NUBPL: variants seen among roughly 807,000 people sequenced by gnomAD.
NUBPL encodes the protein NUBP iron-sulfur cluster assembly factor, mitochondrial, also known as iron-sulfur cluster transfer protein NUBPL.
NUBPL carries 31 observed loss-of-function variants against 45.7 expected under a neutral mutation model. The ratio of observed to expected loss-of-function variants is 0.68; its 90% confidence interval spans 0.51 to 0.92. The LOEUF is 0.92. NUBPL is among the 40% of genes least tolerant of loss of function. The pLI, the probability that NUBPL is intolerant of heterozygous loss-of-function variation, is 0.00. For synonymous variants in NUBPL, 144 were observed against 140.9 expected (o/e 1.02, Z -0.15); for missense variants, 401 against 398.7 (o/e 1.01, Z -0.05).
chr14:31,599,351 T>C lies in NUBPL; in HGVS notation c.354T>C (p.Asn118=). 2 of 1,612,580 alleles carry C rather than the reference T, an allele frequency of 1.2e-6. No homozygotes were observed. Among genetic ancestry groups the C allele is most frequent in the Non-Finnish European group, 1.7e-6 (2 of 1,178,978 alleles). The change falls in exon 4 of 11, where the codon AAT becomes AAC. Residue 118 remains asparagine (N), a synonymous_variant. Coordinates refer to ENST00000281081, the MANE Select transcript of NUBPL (RefSeq NM_025152.3). ...VYGPSVPKMM[N]LKGNPELSQS... The stretch of plus-strand genomic sequence containing the variant: ...GACCTTCAGTTCCAAAGATGATGAA[T>C]CTGAAAGGAAATCCGGAATTATCAC...
chr14:31,582,698 C>G (rs2033896169), intron 3 of NUBPL, among the ~76,000 whole-genome samples: 1 of 151,996 alleles, frequency 6.6e-6, no homozygotes, highest in African/African-American at 2.4e-5. Context: ...ATGGTCATAC[C>G]ACAGAGCTTG....
chr14:31,728,499 A>G (rs531098555), intron 6 of NUBPL, among the ~76,000 whole-genome samples: 8 of 152,292 alleles, frequency 5.3e-5, no homozygotes, highest in African/African-American at 1.9e-4. Flanking sequence ...GTATTTTGTT[A>G]GAACCACCTT....
At chr14:31,702,945 A>C (rs2037370678) in intron 6 of NUBPL, among the ~76,000 whole-genome samples, 1 of 152,180 alleles carries the variant, frequency 6.6e-6, no homozygotes, top group Non-Finnish European at 1.5e-5. Context: ...TCTCTTTAAT[A>C]TCTTTAACTA....
In NUBPL at chr14:31,596,148, C is replaced by T. The variant is rs149609985; in HGVS notation, c.292-3141C>T. Among the ~76,000 whole-genome samples, 1,062 of 152,104 alleles carry T rather than the reference C, an allele frequency of 7.0e-3. 7 individuals carry two copies. The highest frequency in any genetic ancestry group is 0.011 in the Non-Finnish European group (762 of 67,994). Reference sequence around the variant, plus strand: ...ATTTTGATCTCCTGACCTTGTGATCCGCCCACTTTGGCCCAAAGTGCTGGG... The same window carrying T: ...ATTTTGATCTCCTGACCTTGTGATCTGCCCACTTTGGCCCAAAGTGCTGGG... On this transcript the variant is annotated intron_variant, in intron 3 of 10. Coordinates refer to ENST00000281081, the MANE Select transcript of NUBPL (RefSeq NM_025152.3).
intron 7 of NUBPL, among the ~76,000 whole-genome samples, chr14:31,801,774 A>T (rs2039594791): frequency 6.6e-6 from 1 of 152,188 alleles, no homozygotes; most frequent in African/African-American, 2.4e-5. Context: ...ACTGAGAGGG[A>T]AGCTATCATG....
At chr14:31,591,375 T>C (rs2081396629) in intron 3 of NUBPL, among the ~76,000 whole-genome samples, 1 of 152,154 alleles carries the variant, frequency 6.6e-6, no homozygotes. Flanking sequence ...TTGGCCAGGC[T>C]GCTCTTGAAC....
chr14:31,606,629 C>T (rs2034608095), intron 4 of NUBPL, among the ~76,000 whole-genome samples: 1 of 152,150 alleles, frequency 6.6e-6, no homozygotes, highest in Admixed American at 6.5e-5. Context: ...TCTGGGGATA[C>T]TCACCAGATA....
intron 4 of NUBPL, among the ~76,000 whole-genome samples, chr14:31,654,644 C>G (rs1229258310): frequency 1.3e-5 from 2 of 152,082 alleles, no homozygotes; most frequent in Non-Finnish European, 2.9e-5. Context: ...CTCCTGACCT[C>G]ATGATCTACC....
chr14:31,577,571 G>A (rs1174918347), intron 3 of NUBPL, among the ~76,000 whole-genome samples: 4 of 152,104 alleles, frequency 2.6e-5, no homozygotes, highest in African/African-American at 9.7e-5. Flanking sequence ...CAGCCACCAC[G>A]CCCAGCTAAT....
intron 4 of NUBPL, among the ~76,000 whole-genome samples, chr14:31,671,255 A>G (rs1225710399): frequency 2.0e-5 from 3 of 152,050 alleles, no homozygotes; most frequent in African/African-American, 7.2e-5. Context: ...TATATACCAA[A>G]TTTTCTTTAT....
intron 7 of NUBPL, among the ~76,000 whole-genome samples, chr14:31,811,640 T>C (rs540626827): frequency 5.9e-5 from 9 of 152,312 alleles, no homozygotes; most frequent in African/African-American, 1.7e-4. Context: ...AAGTCATTCT[T>C]TGTCCTGCTT....
chr14:31,641,004 T>A (rs1230314622), intron 4 of NUBPL, among the ~76,000 whole-genome samples: 1 of 152,124 alleles, frequency 6.6e-6, no homozygotes, highest in Non-Finnish European at 1.5e-5. Context: ...CAGGCTGGAG[T>A]GCAGTGACAC....
intron 6 of NUBPL, among the ~76,000 whole-genome samples, chr14:31,688,156 G>T (rs192912196): frequency 6.6e-6 from 1 of 152,272 alleles, no homozygotes; most frequent in East Asian, 1.9e-4. Context: ...TAAAGGTGGA[G>T]AATTTAATGC....
chr14:31,771,873 G>C, intron 6 of NUBPL: 2 of 985,332 alleles, frequency 2.0e-6, no homozygotes, highest in Non-Finnish European at 2.4e-6. Context: ...ACAGATGGCA[G>C]GTAGGTGGAA....
chr14:31,707,886 G>T (rs2037489478), intron 6 of NUBPL, among the ~76,000 whole-genome samples: 1 of 152,146 alleles, frequency 6.6e-6, no homozygotes, highest in Non-Finnish European at 1.5e-5. Context: ...TAGATCTTGG[G>T]CCAGTGCCTG....
intron 4 of NUBPL, among the ~76,000 whole-genome samples, chr14:31,671,036 G>A (rs975032404): frequency 7.2e-5 from 11 of 152,176 alleles, no homozygotes; most frequent in African/African-American, 2.2e-4. Flanking sequence ...GATAGGAATA[G>A]CATTGAATCT....
At chr14:31,782,779 C>T (rs965615298) in intron 6 of NUBPL, among the ~76,000 whole-genome samples, 4 of 146,214 alleles carry the variant, frequency 2.7e-5, no homozygotes, top group Admixed American at 7.0e-5. Flanking sequence ...GAGTGAGACT[C>T]CGTCTAAAAA....
At chr14:31,727,429 G>A (rs920708834) in intron 6 of NUBPL, among the ~76,000 whole-genome samples, 1 of 152,162 alleles carries the variant, frequency 6.6e-6, no homozygotes, top group Non-Finnish European at 1.5e-5. Flanking sequence ...TGGAATTAGT[G>A]GTTTGTAACT....
chr14:31,758,530 G>A (rs1014262486), intron 6 of NUBPL, among the ~76,000 whole-genome samples: 7 of 152,028 alleles, frequency 4.6e-5, no homozygotes, highest in African/African-American at 1.2e-4. Context: ...TCTTGTTTAA[G>A]GCTGTTTTTT....
Sources: gnomAD v4.1 joint callset for allele counts (sites outside exome capture counted in the v4.1 genomes callset) on GRCh38, gnomAD v4.1.1 for gene constraint, MANE v1.5 for transcripts, NCBI Gene and HGNC (gene_info 2026-07-23, HGNC 2026-07-21) for gene names.